APBA2: variants seen among roughly 807,000 people sequenced by gnomAD.
The protein encoded by APBA2 is amyloid-beta A4 precursor protein-binding family A member 2.
A neutral mutation model predicts 75.0 loss-of-function variants in APBA2; 30 were observed. The observed-to-expected ratio is 0.40, with a 90% CI of 0.30 to 0.54. The LOEUF (loss-of-function observed/expected upper bound fraction) is 0.54, where lower values mean the gene tolerates loss of function less well. Ranked by LOEUF, APBA2 falls within the 20% of genes least tolerant of loss-of-function variation. APBA2 has a pLI of 0.49. For synonymous variants in APBA2, 444 were observed against 409.6 expected (o/e 1.08, Z -1.01); for missense variants, 801 against 1,016.1 (o/e 0.79, Z 2.88).
At chr15:28,971,491 C>A (rs754449210) in intron 2 of APBA2, among the ~76,000 whole-genome samples, 12 of 152,038 alleles carry the variant, frequency 7.9e-5, no homozygotes, top group Non-Finnish European at 1.6e-4. Flanking sequence ...CACCCTCACT[C>A]GGGAGATAAT....
At chr15:29,051,005 G>A (rs2041571039) in intron 3 of APBA2, among the ~76,000 whole-genome samples, 1 of 152,206 alleles carries the variant, frequency 6.6e-6, no homozygotes, top group South Asian at 2.1e-4. Context: ...CTGGTTGCAT[G>A]TTAGCAGCTG....
At position 29,097,431 on chromosome 15, in the gene APBA2, G is replaced by A. The variant is rs542217786; in HGVS notation, c.1252-1059G>A. On this transcript the variant is annotated intron_variant, in intron 8 of 14. Coordinates refer to ENST00000683413, the MANE Select transcript of APBA2 (RefSeq NM_001353788.2). ...GAGAACTCACACTTAGCTAGATGAT[G>A]CGGCCGGTGGCGTGCAGGTAGATTT... is the stretch of plus-strand genomic sequence containing the variant. Among the ~76,000 whole-genome samples the A allele has an allele frequency of 2.6e-5, 4 of 152,366 alleles. No homozygotes were observed. In the East Asian group the frequency reaches 7.7e-4, roughly 29 times the overall value.
intron 3 of APBA2, among the ~76,000 whole-genome samples, chr15:29,000,810 G>A (rs930086646): frequency 2.8e-4 from 42 of 152,028 alleles, no homozygotes; most frequent in African/African-American, 8.0e-4. Context: ...GACCAGGCTG[G>A]TCTTGAACTC....
At chr15:29,109,242 ATCT>A (rs2044602425) in intron 13 of APBA2, among the ~76,000 whole-genome samples, 1 of 152,222 alleles carries the variant, frequency 6.6e-6, no homozygotes, top group Non-Finnish European at 1.5e-5. Flanking sequence ...GGACTACCAA[ATCT>A]TCTCCATTGT....
intron 1 of APBA2, among the ~76,000 whole-genome samples, chr15:28,891,844 CA>C (rs1406808879): frequency 3.3e-5 from 5 of 152,144 alleles, no homozygotes; most frequent in African/African-American, 1.2e-4. Flanking sequence ...GCATATATGA[CA>C]GAGGTCCCAT....
chr15:29,061,552 G>A (rs2042129570), intron 4 of APBA2, among the ~76,000 whole-genome samples: 1 of 152,236 alleles, frequency 6.6e-6, no homozygotes, highest in Non-Finnish European at 1.5e-5. Flanking sequence ...ATACATGGTA[G>A]CCAACTTAAT....
rs143818942 is a variant in APBA2, at chr15:28,885,987, C to G, written c.-496C>G. 0.51 allele frequency: 77,129 copies of G among 150,544 alleles called. 20,812 individuals carry two copies. Among genetic ancestry groups the G allele is most frequent in the African/African-American group, 0.68 (28,045 of 41,320 alleles). 9.3% of individuals were successfully genotyped at this position (150,544 alleles called of 1,614,324 possible). On this transcript the variant is annotated 5_prime_UTR_variant, in exon 1 of 15. Coordinates refer to ENST00000683413, the MANE Select transcript of APBA2 (RefSeq NM_001353788.2). ...TTTTCCGGCCCCAGTGTGCCCGGCG[C>G]GGGTGAGGCGGAAGCGGCCGGGGCG...
At chr15:29,083,849 G>A (rs2043182274) in intron 6 of APBA2, among the ~76,000 whole-genome samples, 1 of 152,032 alleles carries the variant, frequency 6.6e-6, no homozygotes, top group African/African-American at 2.4e-5. Context: ...ACTCTTACTG[G>A]TATTTTTATT....
intron 4 of APBA2, among the ~76,000 whole-genome samples, chr15:29,058,448 C>T (rs578047898): frequency 5.3e-4 from 80 of 152,106 alleles, no homozygotes; most frequent in African/African-American, 1.9e-3. Context: ...GAGGCAGAAG[C>T]TGCAGTGAGC....
chr15:28,964,231 A>G (rs1041061541), intron 2 of APBA2, among the ~76,000 whole-genome samples: 1 of 152,252 alleles, frequency 6.6e-6, no homozygotes, highest in Non-Finnish European at 1.5e-5. Context: ...AGGAGTTGCC[A>G]AACTATTTTC....
intron 2 of APBA2, 142 bp downstream of exon 2, chr15:28,921,891 C>G (rs2033989578): frequency 6.6e-6 from 1 of 152,248 alleles, no homozygotes; most frequent in African/African-American, 2.4e-5. Context: ...TTAAACACAG[C>G]TACGGTAAAT....
chr15:28,904,152 A>G (rs1209245218), intron 1 of APBA2, among the ~76,000 whole-genome samples: 2 of 152,174 alleles, frequency 1.3e-5, no homozygotes, highest in Non-Finnish European at 2.9e-5. Context: ...GAAAACAGAG[A>G]TAGCAGAAAG....
intron 4 of APBA2, among the ~76,000 whole-genome samples, chr15:29,073,711 A>G (rs531077709): frequency 2.0e-5 from 3 of 152,316 alleles, no homozygotes; most frequent in African/African-American, 7.2e-5. Flanking sequence ...TTATTTCTCG[A>G]TAATTTATTT....
chr15:29,030,619 A>G lies in APBA2; in HGVS notation c.-40-23226A>G, dbSNP rs561256832. Among the ~76,000 whole-genome samples, 14 of 152,108 alleles carry G rather than the reference A, an allele frequency of 9.2e-5. No homozygotes were observed. In the South Asian group the frequency reaches 2.9e-3, roughly 32 times the overall value. ...ACAACCTTTTTGTCATTCCTTTCTA[A>G]TTGTCCCATTGTAGTCAGTGGGTGT... On this transcript the variant is annotated intron_variant, in intron 3 of 14. Transcript: ENST00000683413.
At chr15:29,093,269 G>A in intron 7 of APBA2, 49 bp downstream of exon 7, 3 of 1,607,674 alleles carry the variant, frequency 1.9e-6, no homozygotes, top group South Asian at 1.1e-5. Flanking sequence ...ACTTTGGGGG[G>A]CACTAGCAGG....
intron 1 of APBA2, among the ~76,000 whole-genome samples, chr15:28,890,862 T>C (rs1360449897): frequency 6.6e-6 from 1 of 152,242 alleles, no homozygotes; most frequent in Non-Finnish European, 1.5e-5. Flanking sequence ...GTGGCTTCTC[T>C]TACTGTCCTG....
At chr15:29,103,218 C>T (rs1211132985) in intron 10 of APBA2, among the ~76,000 whole-genome samples, 1 of 152,164 alleles carries the variant, frequency 6.6e-6, no homozygotes, top group Admixed American at 6.5e-5. Context: ...ACTGAGAGCC[C>T]CCAGGTGCAG....
At chr15:29,114,165 A>G in intron 14 of APBA2, 149 bp downstream of exon 14, 2 of 1,256,226 alleles carry the variant, frequency 1.6e-6, no homozygotes, top group Non-Finnish European at 2.3e-6. Context: ...ACAAGGGTGA[A>G]TGGAGCGGCA....
chr15:29,025,807 C>T (rs1211369219), intron 3 of APBA2, among the ~76,000 whole-genome samples: 1 of 151,904 alleles, frequency 6.6e-6, no homozygotes, highest in Non-Finnish European at 1.5e-5. Context: ...AAAAATTAGC[C>T]AGGCGTGGTG....
Sources: allele counts gnomAD v4.1 joint callset (sites outside exome capture counted in the v4.1 genomes callset), GRCh38; gene constraint gnomAD v4.1.1; transcripts MANE v1.5; gene names NCBI Gene and HGNC (gene_info 2026-07-23, HGNC 2026-07-21).